Variants in GRM7 observed in about 807,000 individuals in gnomAD.
The protein encoded by GRM7 is glutamate metabotropic receptor 7, also known as metabotropic glutamate receptor 7.
Under a neutral mutation model 84.5 loss-of-function variants are expected in GRM7, and 35 were observed. The ratio of observed to expected loss-of-function variants is 0.41; its 90% CI spans 0.32 to 0.55. The LOEUF (loss-of-function observed/expected upper bound fraction) is 0.55. Ranked by LOEUF, GRM7 falls within the 20% of genes least tolerant of loss-of-function variation. The probability of loss-of-function intolerance (pLI) is 0.19; values close to 1 mark genes in which losing one functional copy is unlikely to be tolerated. For missense variants in GRM7, 1,003 were observed against 1,194.6 expected (o/e 0.84, Z 2.36); for synonymous variants, 487 against 455.1 (o/e 1.07, Z -0.89).
intron 1 of GRM7, among the ~76,000 whole-genome samples, chr3:6,912,060 A>C (rs1382927606): frequency 6.6e-6 from 1 of 152,174 alleles, no homozygotes; most frequent in Non-Finnish European, 1.5e-5. Context: ...TCCAAAGAAC[A>C]CTAGTTTTAT....
chr3:7,272,072 T>G (rs963502290), intron 2 of GRM7, among the ~76,000 whole-genome samples: 1 of 152,198 alleles, frequency 6.6e-6, no homozygotes, highest in Non-Finnish European at 1.5e-5. Flanking sequence ...GTGGTTAAGA[T>G]ACAATTATAT....
chr3:7,303,874 C>T (rs3930167), intron 3 of GRM7, among the ~76,000 whole-genome samples: 4 of 151,124 alleles, frequency 2.6e-5, no homozygotes, highest in Non-Finnish European at 4.4e-5. Flanking sequence ...TTTCTGGACC[C>T]TAACTGAATT....
At chr3:7,558,552 A>G (rs562706584) in intron 7 of GRM7, among the ~76,000 whole-genome samples, 1 of 152,248 alleles carries the variant, frequency 6.6e-6, no homozygotes, top group African/African-American at 2.4e-5. Flanking sequence ...ATAATGGTTC[A>G]TTATTATGCT....
intron 4 of GRM7, among the ~76,000 whole-genome samples, chr3:7,375,019 CTCATTTTTCAGGTGGATGAT>C (rs1307178007): frequency 1.3e-5 from 2 of 152,056 alleles, no homozygotes; most frequent in African/African-American, 4.8e-5. Context: ...CAGTGACTGC[CTCATTTTTCAGGTGGATGAT>C]ACATCAGCTT....
chr3:7,119,044 C>A (rs1030122344), intron 1 of GRM7, among the ~76,000 whole-genome samples: 26 of 152,078 alleles, frequency 1.7e-4, no homozygotes, highest in Admixed American at 1.6e-3. Context: ...AACAAATTTC[C>A]TACAGAATTC....
intron 7 of GRM7, among the ~76,000 whole-genome samples, chr3:7,471,225 G>T (rs752756210): frequency 6.6e-6 from 1 of 150,860 alleles, no homozygotes; most frequent in Non-Finnish European, 1.5e-5. Flanking sequence ...AAAAATTACC[G>T]CTAATTTAGT....
chr3:7,195,894 G>T (rs1695861902), intron 2 of GRM7, among the ~76,000 whole-genome samples: 1 of 152,140 alleles, frequency 6.6e-6, no homozygotes, highest in Non-Finnish European at 1.5e-5. Flanking sequence ...ACTTTCTAAG[G>T]TCTGTTGTGT....
chr3:7,642,390 A>G (rs1575585461), intron 8 of GRM7, among the ~76,000 whole-genome samples: 1 of 152,204 alleles, frequency 6.6e-6, no homozygotes, highest in East Asian at 1.9e-4. Context: ...GTGCACTCTC[A>G]TAGACGAAAT....
chr3:7,740,263 T>C lies in GRM7; in HGVS notation c.2699-94T>C, dbSNP rs75513504. ...TCTTCAGAGCTGTATCACCTCACTTTGACTTTGCACCTCAAGTGAAAAGTT... is the reference window on the plus strand; with the variant it reads ...TCTTCAGAGCTGTATCACCTCACTTCGACTTTGCACCTCAAGTGAAAAGTT... On this transcript the variant is annotated intron_variant, in intron 9 of 9. Transcript: ENST00000357716. 2.8e-4 allele frequency: 225 copies of C among 799,896 alleles called. No homozygotes were observed. In the African/African-American group the frequency reaches 3.4e-3, roughly 12 times the overall value. 49.5% of individuals were successfully genotyped at this position (799,896 alleles called of 1,614,324 possible). A position where few individuals can be genotyped will look rare whatever the true frequency, so the allele number is the denominator to read the frequency against.
chr3:7,239,624 A>G (rs1053097621), intron 2 of GRM7, among the ~76,000 whole-genome samples: 11 of 152,172 alleles, frequency 7.2e-5, no homozygotes, highest in Non-Finnish European at 1.3e-4. Flanking sequence ...AGTAAAGCAG[A>G]TGGCTCTTCC....
intron 1 of GRM7, among the ~76,000 whole-genome samples, chr3:7,090,618 T>A (rs150216784): frequency 1.2e-3 from 186 of 152,348 alleles, no homozygotes; most frequent in Non-Finnish European, 1.9e-3. Flanking sequence ...TTCTGATTAG[T>A]GTGGCCATAG....
In GRM7 at chr3:7,565,658, G is replaced by C. The variant is rs113066398; in HGVS notation, c.1516-12764G>C. On this transcript the variant is annotated intron_variant, in intron 7 of 9. Transcript: ENST00000357716. ...ATGGGAGGTATGAGAGCAATGAAAA[G>C]TCATTGATGATATTAACCGAAAGGA... Among the ~76,000 whole-genome samples the C allele has an allele frequency of 5.6e-4, 85 of 152,294 alleles. No individual in the cohort carries two copies. In the Middle Eastern group the frequency reaches 0.01, roughly 18 times the overall value.
intron 7 of GRM7, among the ~76,000 whole-genome samples, chr3:7,477,684 A>G (rs2124932068): frequency 6.6e-6 from 1 of 152,276 alleles, no homozygotes; most frequent in East Asian, 1.9e-4. Flanking sequence ...AAGAAACATC[A>G]CCATATGTTT....
At chr3:7,268,898 A>T (rs368585094) in intron 2 of GRM7, among the ~76,000 whole-genome samples, 94 of 152,340 alleles carry the variant, frequency 6.2e-4, no homozygotes, top group Admixed American at 5.0e-3. Flanking sequence ...CCAGGAGCTC[A>T]GTCCAAACCA....
chr3:6,886,631 A>T (rs1274655784), intron 1 of GRM7, among the ~76,000 whole-genome samples: 1 of 152,078 alleles, frequency 6.6e-6, no homozygotes, highest in African/African-American at 2.4e-5. Flanking sequence ...TTCTGTAAAA[A>T]AATACTAATG....
chr3:7,117,579 A>G (rs1479337769), intron 1 of GRM7, among the ~76,000 whole-genome samples: 1 of 152,166 alleles, frequency 6.6e-6, no homozygotes, highest in Non-Finnish European at 1.5e-5. Flanking sequence ...GAAGACTTGC[A>G]CTTGAGTCCA....
chr3:7,514,426 G>C (rs965975828), intron 7 of GRM7, among the ~76,000 whole-genome samples: 1 of 152,214 alleles, frequency 6.6e-6, no homozygotes, highest in African/African-American at 2.4e-5. Context: ...AAGCTTACCA[G>C]AGTATTCCGA....
At chr3:7,125,766 A>T (rs1452258453) in intron 1 of GRM7, among the ~76,000 whole-genome samples, 1 of 152,204 alleles carries the variant, frequency 6.6e-6, no homozygotes, top group African/African-American at 2.4e-5. Context: ...TGTTGGCAGT[A>T]AAAATATTTA....
chr3:7,219,967 G>A (rs893053047), intron 2 of GRM7, among the ~76,000 whole-genome samples: 1 of 152,188 alleles, frequency 6.6e-6, no homozygotes, highest in African/African-American at 2.4e-5. Flanking sequence ...GGTTCTTAAT[G>A]TCCAAAGCAG....
Sources: gnomAD v4.1 joint callset for allele counts (sites outside exome capture counted in the v4.1 genomes callset) on GRCh38, gnomAD v4.1.1 for gene constraint, MANE v1.5 for transcripts, NCBI Gene and HGNC (gene_info 2026-07-23, HGNC 2026-07-21) for gene names.